Variants in CADM2 observed in about 807,000 individuals in gnomAD.
The protein encoded by CADM2 is immunoglobulin superfamily member 4D.
A neutral mutation model predicts 49.8 loss-of-function variants in CADM2; 12 were observed. That is an observed-to-expected ratio of 0.24 (90% CI 0.15 to 0.39). The LOEUF is 0.39. CADM2 is among the 10% of genes least tolerant of loss of function. CADM2 has a pLI of 1.00. For missense variants in CADM2, 378 were observed against 492.3 expected (o/e 0.77, Z 2.20); for synonymous variants, 214 against 175.4 (o/e 1.22, Z -1.74).
At chr3:85,938,662 A>T (rs1412863040) in intron 7 of CADM2, among the ~76,000 whole-genome samples, 2 of 152,030 alleles carry the variant, frequency 1.3e-5, no homozygotes, top group African/African-American at 4.8e-5. Context: ...TTTTGCAACT[A>T]TTGTACCTGT....
chr3:85,283,782 TGTCATA>T (rs1414547326), intron 1 of CADM2, among the ~76,000 whole-genome samples: 1 of 152,110 alleles, frequency 6.6e-6, no homozygotes, highest in Non-Finnish European at 1.5e-5. Flanking sequence ...TCAAGTCCAA[TGTCATA>T]TGAAGTAGGG....
intron 1 of CADM2, among the ~76,000 whole-genome samples, chr3:85,103,940 G>A (rs955335097): frequency 2.6e-5 from 4 of 152,116 alleles, no homozygotes; most frequent in African/African-American, 9.7e-5. Flanking sequence ...TGAGCAGGAG[G>A]TAATTGTTTT....
intron 8 of CADM2, among the ~76,000 whole-genome samples, chr3:86,018,417 G>T (rs75199683): frequency 0.17 from 25,699 of 150,624 alleles, 2,166 homozygotes; most frequent in South Asian, 0.23. Flanking sequence ...TGGGTCAAAT[G>T]GTATTTCCAG....
At chr3:85,982,532 C>T (rs1261332119) in intron 8 of CADM2, among the ~76,000 whole-genome samples, 2 of 151,582 alleles carry the variant, frequency 1.3e-5, no homozygotes, top group African/African-American at 4.8e-5. Context: ...GCCTAACGCC[C>T]ATTTTTCCTT....
intron 1 of CADM2, among the ~76,000 whole-genome samples, chr3:84,995,168 G>C (rs1184034403): frequency 6.6e-6 from 1 of 152,068 alleles, no homozygotes; most frequent in East Asian, 1.9e-4. Context: ...AACATTTGAG[G>C]CAGCATGGTA....
chr3:85,019,736 TTAA>T (rs2034413152), intron 1 of CADM2, among the ~76,000 whole-genome samples: 1 of 152,176 alleles, frequency 6.6e-6, no homozygotes, highest in African/African-American at 2.4e-5. Context: ...AGCCACCATT[TTAA>T]TCATCATTCA....
At chr3:85,216,188 A>G (rs1044201128) in intron 1 of CADM2, among the ~76,000 whole-genome samples, 3 of 150,482 alleles carry the variant, frequency 2.0e-5, no homozygotes, top group Non-Finnish European at 3.0e-5. Context: ...TGTTTTCATG[A>G]AAAAAAAATT....
intron 1 of CADM2, among the ~76,000 whole-genome samples, chr3:85,724,038 A>C (rs2067600219): frequency 6.6e-6 from 1 of 152,000 alleles, no homozygotes; most frequent in African/African-American, 2.4e-5. Context: ...AATACACACA[A>C]AAAATAACTA....
rs556443552 is a variant in CADM2, at chr3:85,441,588, T to C, written c.62-284934T>C. 7.2e-5 allele frequency among the ~76,000 whole-genome samples: 11 copies of C among 152,244 alleles called. No homozygotes were observed. The South Asian group carries it at 8.3e-4, about 11-fold the overall frequency. ...ATTTTTATCCTCTCTTTATTAACAT[T>C]CTGGATTTATAATCTTGATCCCAAA... On this transcript the variant is annotated intron_variant, in intron 1 of 9. Transcript: ENST00000383699.
intron 1 of CADM2, among the ~76,000 whole-genome samples, chr3:85,261,888 C>T (rs768417179): frequency 6.6e-5 from 10 of 152,048 alleles, no homozygotes; most frequent in South Asian, 2.1e-4. Context: ...TGTATTTCCA[C>T]GTTCTTATTC....
intron 1 of CADM2, among the ~76,000 whole-genome samples, chr3:85,067,689 T>C (rs1184806059): frequency 6.6e-6 from 1 of 152,218 alleles, no homozygotes; most frequent in Admixed American, 6.5e-5. Context: ...TTATTTACTA[T>C]CTTCTTTGGC....
At chr3:85,406,652 C>A (rs1283426276) in intron 1 of CADM2, among the ~76,000 whole-genome samples, 1 of 152,140 alleles carries the variant, frequency 6.6e-6, no homozygotes, top group Non-Finnish European at 1.5e-5. Flanking sequence ...CCAATATTCT[C>A]TGCGTTAGTA....
chr3:86,065,010 G>A (rs144357689), intron 8 of CADM2, among the ~76,000 whole-genome samples: 1 of 152,054 alleles, frequency 6.6e-6, no homozygotes, highest in African/African-American at 2.4e-5. Flanking sequence ...CTCCAATATC[G>A]CTTCCTCTCT....
At chr3:85,756,982 AGT>A (rs1559636125) in intron 2 of CADM2, among the ~76,000 whole-genome samples, 1 of 152,126 alleles carries the variant, frequency 6.6e-6, no homozygotes, top group Non-Finnish European at 1.5e-5. Context: ...ACAACAGTGA[AGT>A]GATTCATTGA....
intron 1 of CADM2, among the ~76,000 whole-genome samples, chr3:85,395,499 A>T: frequency 6.6e-6 from 1 of 152,180 alleles, no homozygotes; most frequent in East Asian, 1.9e-4. Flanking sequence ...GCCGTCTAAC[A>T]AATATAAATG....
intron 3 of CADM2, among the ~76,000 whole-genome samples, chr3:85,835,362 G>C (rs1442988019): frequency 1.4e-5 from 2 of 140,812 alleles, no homozygotes; most frequent in Non-Finnish European, 3.1e-5. Flanking sequence ...GTTAATCACT[G>C]TTTATTCTGA....
At chr3:85,110,055 TAC>T (rs2038393159) in intron 1 of CADM2, among the ~76,000 whole-genome samples, 1 of 151,918 alleles carries the variant, frequency 6.6e-6, no homozygotes, top group Non-Finnish European at 1.5e-5. Context: ...CTTGGAAAAA[TAC>T]AAGTATTCAT....
chr3:85,400,564 G>A (rs1049425473), intron 1 of CADM2, among the ~76,000 whole-genome samples: 2 of 152,148 alleles, frequency 1.3e-5, no homozygotes, highest in Non-Finnish European at 2.9e-5. Context: ...ATTCGGCTGT[G>A]AATCCATCTG....
chr3:86,063,472 CT>C (rs1385489227), intron 8 of CADM2, among the ~76,000 whole-genome samples: 1 of 152,130 alleles, frequency 6.6e-6, no homozygotes, highest in African/African-American at 2.4e-5. Flanking sequence ...TCTATTCATT[CT>C]TTTTTGCTTT....
Sources: allele counts gnomAD v4.1 joint callset (sites outside exome capture counted in the v4.1 genomes callset), GRCh38; gene constraint gnomAD v4.1.1; transcripts MANE v1.5; gene names NCBI Gene and HGNC (gene_info 2026-07-23, HGNC 2026-07-21).